Variants in RUNX1 observed in about 807,000 individuals in gnomAD.
RUNX1 encodes RUNX family transcription factor 1, also known as runt-related transcription factor 1.
In RUNX1, 19 loss-of-function variants were observed where a neutral mutation model predicts 42.8. The observed-to-expected ratio is 0.44, with a 90% CI of 0.31 to 0.65. The LOEUF (loss-of-function observed/expected upper bound fraction) is 0.65. RUNX1 is among the 30% of genes least tolerant of loss of function. The probability of loss-of-function intolerance (pLI) is 0.07; values close to 1 mark genes in which losing one functional copy is unlikely to be tolerated. For missense variants in RUNX1, 528 were observed against 672.0 expected, an observed-to-expected ratio of 0.79 and a Z score of 2.37; for synonymous variants, 271 against 289.4, an observed-to-expected ratio of 0.94 and a Z score of 0.64.
At chr21:34,796,304 A>T (rs1295014140) in intron 8 of RUNX1, among the ~76,000 whole-genome samples, 2 of 152,214 alleles carry the variant, frequency 1.3e-5, no homozygotes, top group African/African-American at 2.4e-5. Context: ...ACACATTTTG[A>T]TAATACAATA....
At chr21:34,936,194 G>A (rs2058483612) in intron 2 of RUNX1, among the ~76,000 whole-genome samples, 1 of 150,886 alleles carries the variant, frequency 6.6e-6, no homozygotes, top group South Asian at 2.1e-4. Context: ...TAAAATTTGA[G>A]ACTTAAAGAC....
intron 2 of RUNX1, among the ~76,000 whole-genome samples, chr21:34,899,666 T>C (rs2146481294): frequency 6.6e-6 from 1 of 152,314 alleles, no homozygotes; most frequent in South Asian, 2.1e-4. Flanking sequence ...GAGCAGTGAG[T>C]GGTCCATCAT....
Position 34,820,562 on chromosome 21 carries a change from G to A in RUNX1, c.805+13848C>T, listed in dbSNP as rs569356940. On this transcript the variant is annotated intron_variant, in intron 7 of 8. Transcript: ENST00000675419. ...CCCGACTCTGTAATCCCGGCTACTCGGGAGGCTGAGGCAGGAGAATCCCCT... is the reference window on the plus strand; with the variant it reads ...CCCGACTCTGTAATCCCGGCTACTCAGGAGGCTGAGGCAGGAGAATCCCCT... 2.8e-3 allele frequency among the ~76,000 whole-genome samples: 426 copies of A among 151,962 alleles called. 3 individuals carry two copies. Among genetic ancestry groups the A allele is most frequent in the African/African-American group, 9.9e-3 (410 of 41,430 alleles).
chr21:34,902,859 C>T (rs565410454), intron 2 of RUNX1, among the ~76,000 whole-genome samples: 5 of 152,254 alleles, frequency 3.3e-5, no homozygotes, highest in South Asian at 2.1e-4. Flanking sequence ...TGTGGGAAAT[C>T]GGCCCGGGTC....
chr21:34,886,801 C>A (rs375691866), intron 4 of RUNX1, 42 bp downstream of exon 4: 173 of 1,610,744 alleles, frequency 1.1e-4, no homozygotes, highest in Non-Finnish European at 1.4e-4. Context: ...CCGGCCTCGC[C>A]GGCCTCCGCC....
chr21:34,821,587 G>A (rs888291432), intron 7 of RUNX1: 1 of 1,547,930 alleles, frequency 6.5e-7, no homozygotes. Context: ...TCTTTCTTCT[G>A]AGTCTCTTCT....
intron 6 of RUNX1, among the ~76,000 whole-genome samples, chr21:34,847,738 A>C (rs1390993848): frequency 4.6e-5 from 7 of 152,204 alleles, no homozygotes; most frequent in Non-Finnish European, 8.8e-5. Context: ...TAATTGGAAA[A>C]AGATCACCTC....
intron 2 of RUNX1, among the ~76,000 whole-genome samples, chr21:35,042,720 A>C (rs1004328743): frequency 1.3e-5 from 2 of 152,104 alleles, no homozygotes; most frequent in Admixed American, 1.3e-4. Flanking sequence ...AAAACATAGG[A>C]GTGTCCTGCA....
At chr21:35,025,849 T>G (rs2059231923) in intron 2 of RUNX1, among the ~76,000 whole-genome samples, 1 of 152,150 alleles carries the variant, frequency 6.6e-6, no homozygotes, top group African/African-American at 2.4e-5. Flanking sequence ...CATATGGTTC[T>G]CTGCTAATTC....
chr21:34,990,578 C>T (rs1205987834), intron 2 of RUNX1, among the ~76,000 whole-genome samples: 1 of 152,092 alleles, frequency 6.6e-6, no homozygotes, highest in Non-Finnish European at 1.5e-5. Flanking sequence ...TATGATGAAC[C>T]ACAGAGACGT....
rs1568996981 is a variant in RUNX1, at chr21:34,788,220, G to T, written c.*3915C>A. 4.3e-6 allele frequency: 1 copy of T among 233,684 alleles called. No homozygotes were observed. The highest frequency in any genetic ancestry group is 8.5e-6 in the Non-Finnish European group (1 of 118,062). 14.5% of individuals were successfully genotyped at this position (233,684 alleles called of 1,614,324 possible). ...TAACTGCCACACAAATAGACCCTAG[G>T]TGGGGGCTGGCTTAAATAGGACCAC... On this transcript the variant is annotated 3_prime_UTR_variant, in exon 9 of 9. Transcript: ENST00000675419.
intron 2 of RUNX1, among the ~76,000 whole-genome samples, chr21:35,012,753 C>T (rs2059134704): frequency 1.3e-5 from 2 of 151,856 alleles, no homozygotes; most frequent in Admixed American, 1.3e-4. Context: ...AATGATTACA[C>T]TTGCTGTCAC....
chr21:34,913,676 T>C (rs2058290195), intron 2 of RUNX1, among the ~76,000 whole-genome samples: 1 of 152,218 alleles, frequency 6.6e-6, no homozygotes, highest in Non-Finnish European at 1.5e-5. Flanking sequence ...CATTGTATTC[T>C]TTAATAATTC....
intron 2 of RUNX1, among the ~76,000 whole-genome samples, chr21:34,909,619 T>C (rs2058255913): frequency 8.5e-6 from 1 of 117,504 alleles, no homozygotes; most frequent in African/African-American, 4.5e-5. Context: ...GATGGTGTTC[T>C]ATTTGATAAC....
In RUNX1 at chr21:34,816,786, G is replaced by A. The variant is rs17762984; in HGVS notation, c.806-17324C>T. Among the ~76,000 whole-genome samples the A allele has an allele frequency of 8.4e-3, 1,274 of 152,286 alleles. 8 individuals carry two copies. Among genetic ancestry groups the A allele is most frequent in the Middle Eastern group, 0.037 (11 of 294 alleles). ...TCATGGGTGTTCAGAGATCAAGCAG[G>A]AAGATCTGCAGCATTCACCCACCTC... On this transcript the variant is annotated intron_variant, in intron 7 of 8. Transcript: ENST00000675419.
intron 2 of RUNX1, among the ~76,000 whole-genome samples, chr21:34,898,775 C>A (rs1317531967): frequency 6.6e-6 from 1 of 152,176 alleles, no homozygotes; most frequent in East Asian, 1.9e-4. Context: ...CCCTGTGAGT[C>A]TGGTTAACTA....
chr21:34,904,942 A>C (rs1156401819), intron 2 of RUNX1, among the ~76,000 whole-genome samples: 1 of 151,710 alleles, frequency 6.6e-6, no homozygotes, highest in East Asian at 1.9e-4. Context: ...CTCTTTAACC[A>C]AAAACACCAA....
At chr21:34,945,667 A>G (rs2058558772) in intron 2 of RUNX1, among the ~76,000 whole-genome samples, 1 of 152,062 alleles carries the variant, frequency 6.6e-6, no homozygotes, top group Non-Finnish European at 1.5e-5. Flanking sequence ...CACTGTGGCA[A>G]CTCGAGACTT....
chr21:35,003,214 T>C (rs1365758569), intron 2 of RUNX1, among the ~76,000 whole-genome samples: 5 of 152,206 alleles, frequency 3.3e-5, no homozygotes, highest in Non-Finnish European at 7.3e-5. Flanking sequence ...TCCATCTTAA[T>C]CTGTAATGGC....
Sources: gnomAD v4.1 joint callset for allele counts (sites outside exome capture counted in the v4.1 genomes callset) on GRCh38, gnomAD v4.1.1 for gene constraint, MANE v1.5 for transcripts, NCBI Gene and HGNC (gene_info 2026-07-23, HGNC 2026-07-21) for gene names.